The following PGAP2 variants were observed in gnomAD, a reference collection of about 807,000 sequenced individuals.
PGAP2 encodes the protein acyltransferase PGAP2.
Under a neutral mutation model 33.2 loss-of-function variants are expected in PGAP2, and 21 were observed. The observed-to-expected ratio is 0.63, with a 90% confidence interval of 0.45 to 0.91. The LOEUF (loss-of-function observed/expected upper bound fraction) is 0.91. PGAP2 is among the 40% of genes least tolerant of loss of function. PGAP2 has a pLI of 0.00. For missense variants in PGAP2, 345 were observed against 424.0 expected (o/e 0.81, Z 1.64); for synonymous variants, 161 against 172.9 (o/e 0.93, Z 0.54).
chr11:3,810,919 GAC>G (rs1361723700), intron 1 of PGAP2, among the ~76,000 whole-genome samples: 1 of 152,208 alleles, frequency 6.6e-6, no homozygotes, highest in African/African-American at 2.4e-5. Context: ...AATAAAGAGA[GAC>G]ACTTATTTAA....
intron 1 of PGAP2, among the ~76,000 whole-genome samples, chr11:3,803,101 C>G (rs990737524): frequency 6.6e-6 from 1 of 151,626 alleles, no homozygotes; most frequent in Non-Finnish European, 1.5e-5. Context: ...TCAAGCGATT[C>G]TCCTGCCTCA....
chr11:3,823,491 C>T, intron 3 of PGAP2: 2 of 998,956 alleles, frequency 2.0e-6, no homozygotes, highest in Non-Finnish European at 3.0e-6. Context: ...TGGTCTGTGA[C>T]TCATCCCTGT....
intron 2 of PGAP2, among the ~76,000 whole-genome samples, chr11:3,815,316 T>C (rs1486295662): frequency 1.3e-5 from 2 of 150,308 alleles, no homozygotes; most frequent in Non-Finnish European, 3.0e-5. Context: ...TCTTCTTTTT[T>C]TTTTTTTCTT....
At chr11:3,798,173 A>C (rs904703028) in intron 1 of PGAP2, 2 of 1,359,608 alleles carry the variant, frequency 1.5e-6, no homozygotes, top group African/African-American at 1.5e-5. Flanking sequence ...CTCCTGACCC[A>C]TGCTCGCCCC....
At chr11:3,808,460 CA>C, upstream of PGAP2, 1 of 1,491,548 alleles carries the variant, frequency 6.7e-7, no homozygotes, top group Non-Finnish European at 9.0e-7. Flanking sequence ...GGAGGAGAGC[CA>C]GGGGTCGGGG....
At chr11:3,824,840 C>G in intron 5 of PGAP2, 180 bp from the exon 6 acceptor site, 1 of 1,440,274 alleles carries the variant, frequency 6.9e-7, no homozygotes, top group Non-Finnish European at 9.1e-7. Context: ...ATCACTCCCC[C>G]AGAGGCAGGG....
At chr11:3,822,992 A>G in intron 3 of PGAP2, 1 of 1,262,918 alleles carries the variant, frequency 7.9e-7, no homozygotes, top group Non-Finnish European at 1.1e-6. Context: ...AGACTACCCC[A>G]GGTTAGGAGC....
At position 3,811,748 on chromosome 11, in the gene PGAP2, C is replaced by T. The variant is rs1053630610; in HGVS notation, c.165+324C>T. On this transcript the variant is annotated intron_variant, in intron 2 of 6. Transcript: ENST00000278243. The surrounding 1 kb of genome is among the most constrained non-coding windows in gnomAD (Gnocchi z 4.6). Reference sequence around the variant, plus strand: ...CATCTTTCTTCCTGGCCCCGCGCCCCATATCCCTGTCCAGAGGGCAGACCT... The same window carrying T: ...CATCTTTCTTCCTGGCCCCGCGCCCTATATCCCTGTCCAGAGGGCAGACCT... Among the ~76,000 whole-genome samples, 5 of 152,110 alleles carry T rather than the reference C, an allele frequency of 3.3e-5. No individual in the cohort carries two copies. The highest frequency in any genetic ancestry group is 7.4e-5 in the Non-Finnish European group (5 of 68,026).
chr11:3,805,036 C>T (rs145653177), upstream of PGAP2, among the ~76,000 whole-genome samples: 58 of 152,206 alleles, frequency 3.8e-4, no homozygotes, highest in African/African-American at 1.4e-3. Flanking sequence ...TCTTCCCTCA[C>T]ATAAATCAAG....
At position 3,824,037 on chromosome 11, in the gene PGAP2, C is replaced by A; in HGVS notation, c.503C>A (p.Ser168Tyr). 1 of 1,614,182 alleles carries A rather than the reference C, an allele frequency of 6.2e-7. No homozygotes were observed. The highest frequency in any genetic ancestry group is 2.2e-5 in the East Asian group (1 of 44,882). Residue 168 changes from serine to tyrosine, a missense_variant, in exon 4 of 7, where the codon TCC (serine) becomes TAC (tyrosine). By Grantham distance (144) the Ser-to-Tyr change is moderately radical (BLOSUM62 -2). Around this residue, in one of 2 missense-constraint regions of PGAP2, gnomAD observed 311 missense variants for 353.6 expected, o/e 0.88. Transcript: ENST00000278243. ...NHYLSCTSPC[S>Y]CYRPLCRLNF... ...TACCTCAGCTGCACCTCCCCGTGTT[C>A]CTGCTATCGCCCGCTCTGCCGCCTC...
intron 5 of PGAP2, chr11:3,824,736 T>G: frequency 1.6e-6 from 2 of 1,227,956 alleles, no homozygotes; most frequent in Non-Finnish European, 2.2e-6. Context: ...TCCCCCACAG[T>G]ATTTGGAGGT....
At chr11:3,803,799 T>A (rs74853522), upstream of PGAP2, among the ~76,000 whole-genome samples, 1,011 of 116,880 alleles carry the variant, frequency 8.6e-3, 7 homozygotes, top group East Asian at 0.012. Context: ...ATATATATAT[T>A]TTTTTTTTTG....
At position 3,824,959 on chromosome 11, in the gene PGAP2, A is replaced by AG; in HGVS notation, c.709-57dup. 3 of 1,608,634 alleles carry AG rather than the reference A, an allele frequency of 1.9e-6. No individual in the cohort carries two copies. In the South Asian group the frequency reaches 3.3e-5, roughly 18 times the overall value. ...CCAGCCCTTAGGAGTTAGGGCTGAG[A>AG]GGGGAGCCCACGCTCTCATACCCAG... On this transcript the variant is annotated intron_variant, in intron 5 of 6. Transcript: ENST00000278243.
At chr11:3,813,783 A>G (rs920095936) in intron 2 of PGAP2, among the ~76,000 whole-genome samples, 2 of 152,146 alleles carry the variant, frequency 1.3e-5, no homozygotes, top group African/African-American at 4.8e-5. Context: ...CAAAATTATA[A>G]TATTTGTATA....
chr11:3,805,016 A>G (rs2084078824), upstream of PGAP2, among the ~76,000 whole-genome samples: 2 of 151,982 alleles, frequency 1.3e-5, no homozygotes, highest in South Asian at 4.1e-4. Context: ...AACTCTTTTT[A>G]TTTCTTTTAT....
chr11:3,824,915 G>C lies in PGAP2; in HGVS notation c.709-105G>C, dbSNP rs1213057788. ...TGCTCCCTTCCATGACCGCTAGTGG[G>C]AGCCAAGGGAGATAAGGCCCAGCCC... On this transcript the variant is annotated intron_variant, in intron 5 of 6. Coordinates refer to ENST00000278243, the MANE Select transcript of PGAP2 (RefSeq NM_014489.4). 5.8e-6 allele frequency: 9 copies of C among 1,544,908 alleles called. No individual in the cohort carries two copies. In the East Asian group the frequency reaches 2.0e-4, roughly 35 times the overall value.
chr11:3,823,881 A>G lies in PGAP2; in HGVS notation c.349-2A>G. On this transcript the variant is annotated splice_acceptor_variant, in intron 3 of 6. Transcript: ENST00000278243. LOFTEE classifies it high-confidence loss of function. ...ATGCCCAGACAGGTCACAACTCTCTAGGTGCCCAATTACCTGCCCTCGGTG... is the reference window on the plus strand; with the variant it reads ...ATGCCCAGACAGGTCACAACTCTCTGGGTGCCCAATTACCTGCCCTCGGTG... The G allele has an allele frequency of 6.2e-7, 1 of 1,602,344 alleles. No homozygotes were observed. The highest frequency in any genetic ancestry group is 8.5e-7 in the Non-Finnish European group (1 of 1,179,814).
At chr11:3,814,787 TC>T in intron 2 of PGAP2, among the ~76,000 whole-genome samples, 1 of 108,930 alleles carries the variant, frequency 9.2e-6, no homozygotes, top group African/African-American at 2.8e-5. Context: ...TTTCTTTCTT[TC>T]TTTCTTTCTT....
chr11:3,824,883 C>T, intron 5 of PGAP2, 137 bp from the exon 6 acceptor site: 1 of 1,479,006 alleles, frequency 6.8e-7, no homozygotes, highest in Non-Finnish European at 8.9e-7. Context: ...CTTGCTGCCC[C>T]TGCCTGTGCT....
Sources: gnomAD v4.1 joint callset for allele counts (sites outside exome capture counted in the v4.1 genomes callset) on GRCh38, gnomAD v4.1.1 for gene constraint, gnomAD v4.1.1 regional missense constraint, Gnocchi (gnomAD v3.1) non-coding constraint, MANE v1.5 for transcripts, NCBI Gene and HGNC (gene_info 2026-07-23, HGNC 2026-07-21) for gene names.